Variants in YTHDC2 observed in about 807,000 individuals in gnomAD.
The protein encoded by YTHDC2 is 3'-5' RNA helicase YTHDC2.
YTHDC2 carries 45 observed loss-of-function variants against 174.9 expected under a neutral mutation model. The ratio of observed to expected loss-of-function variants is 0.26; its 90% CI spans 0.20 to 0.33. YTHDC2 has a LOEUF of 0.33. Among genes scored for constraint, YTHDC2 ranks in the 10% least tolerant of loss-of-function variants. YTHDC2 has a pLI of 1.00. For synonymous variants in YTHDC2, 657 were observed against 574.5 expected, an observed-to-expected ratio of 1.14 and a Z score of -2.05; for missense variants, 1,650 against 1,723.7, an observed-to-expected ratio of 0.96 and a Z score of 0.76.
intron 26 of YTHDC2, among the ~76,000 whole-genome samples, chr5:113,586,003 C>G (rs1252938276): frequency 1.3e-5 from 2 of 151,806 alleles, no homozygotes; most frequent in Non-Finnish European, 2.9e-5. Context: ...AATATGTTTT[C>G]TATTATTTGG....
chr5:113,585,361 C>G (rs1778624842), intron 26 of YTHDC2, among the ~76,000 whole-genome samples: 1 of 152,026 alleles, frequency 6.6e-6, no homozygotes, highest in African/African-American at 2.4e-5. Flanking sequence ...GGTTATTTAG[C>G]TGCATATTGT....
rs1473081041 is a variant in YTHDC2, at chr5:113,567,852, A to G, written c.3244+3A>G. On this transcript the variant is annotated splice_donor_region_variant and intron_variant, in intron 23 of 29. Coordinates refer to ENST00000161863, the MANE Select transcript of YTHDC2 (RefSeq NM_022828.5). ...TCAGGAACCTTCATCCTTTAGAGGT[A>G]AATGTATTAAGGAAATAAAAATCTA... 3 of 1,502,584 alleles carry G rather than the reference A, an allele frequency of 2.0e-6. No individual in the cohort carries two copies. The highest frequency in any genetic ancestry group is 2.8e-5 in the South Asian group (2 of 70,878). 93.1% of individuals were successfully genotyped at this position (1,502,584 alleles called of 1,614,324 possible).
chr5:113,549,859 A>G (rs1349107899), intron 12 of YTHDC2, among the ~76,000 whole-genome samples: 1 of 152,010 alleles, frequency 6.6e-6, no homozygotes, highest in Non-Finnish European at 1.5e-5. Flanking sequence ...TGCTTGTTCA[A>G]GAACAGCAAC....
chr5:113,514,143 C>A, intron 1 of YTHDC2, 61 bp downstream of exon 1: 4 of 1,550,362 alleles, frequency 2.6e-6, no homozygotes, highest in East Asian at 2.4e-5. Flanking sequence ...CCAGCGCCCC[C>A]CAAACGGCGG....
chr5:113,572,668 T>C (rs1442018130), intron 23 of YTHDC2, among the ~76,000 whole-genome samples: 1 of 152,254 alleles, frequency 6.6e-6, no homozygotes, highest in Non-Finnish European at 1.5e-5. Context: ...CTTGCATATA[T>C]ATTTAGGATC....
intron 8 of YTHDC2, 124 bp downstream of exon 8, chr5:113,539,305 A>G: frequency 2.5e-6 from 1 of 402,182 alleles, no homozygotes; most frequent in East Asian, 4.5e-5. Flanking sequence ...ATATAATTGT[A>G]TAACCTTATA....
At chr5:113,588,904 C>A (rs189686465) in intron 26 of YTHDC2, among the ~76,000 whole-genome samples, 174 of 152,174 alleles carry the variant, frequency 1.1e-3, no homozygotes, top group African/African-American at 4.0e-3. Flanking sequence ...GGATTGCACG[C>A]GTGAGCCACC....
intron 5 of YTHDC2, 36 bp downstream of exon 5, chr5:113,533,081 T>C (rs192742392): frequency 3.6e-5 from 58 of 1,604,022 alleles, no homozygotes; most frequent in Middle Eastern, 1.7e-4. Flanking sequence ...TCTTTTATCA[T>C]GCTTAAAAAA....
At chr5:113,518,556 CGT>C (rs67062871) in intron 2 of YTHDC2, among the ~76,000 whole-genome samples, 34,044 of 143,980 alleles carry the variant, frequency 0.24, 4,573 homozygotes, top group East Asian at 0.57. Flanking sequence ...AGTTAGTTTT[CGT>C]GTGTGTGTGT....
chr5:113,590,059 T>G (rs1778925329), intron 26 of YTHDC2, among the ~76,000 whole-genome samples: 1 of 150,500 alleles, frequency 6.6e-6, no homozygotes, highest in Non-Finnish European at 1.5e-5. Flanking sequence ...TGTGTCTGAT[T>G]GCTCATTGCA....
intron 17 of YTHDC2, among the ~76,000 whole-genome samples, chr5:113,559,288 A>G (rs982272126): frequency 1.2e-4 from 19 of 152,216 alleles, no homozygotes; most frequent in Admixed American, 1.0e-3. Context: ...AAATAAACTC[A>G]TATTAACTTG....
At chr5:113,561,957 G>T (rs796824656) in intron 18 of YTHDC2, among the ~76,000 whole-genome samples, 36 of 134,930 alleles carry the variant, frequency 2.7e-4, no homozygotes, top group East Asian at 1.1e-3. Flanking sequence ...ATTAATTGTG[G>T]GTGTGTGTGT....
At chr5:113,568,274 A>C (rs1777483481) in intron 23 of YTHDC2, among the ~76,000 whole-genome samples, 1 of 152,136 alleles carries the variant, frequency 6.6e-6, no homozygotes, top group Admixed American at 6.5e-5. Context: ...TGTTATTTTC[A>C]TTACAGAGAT....
In YTHDC2 at chr5:113,577,622, G is replaced by C. The variant is rs1016253749; in HGVS notation, c.3245-1964G>C. On this transcript the variant is annotated intron_variant, in intron 23 of 29. Coordinates refer to ENST00000161863, the MANE Select transcript of YTHDC2 (RefSeq NM_022828.5). ...TGTGCTCTTACAATCTGCTCACCTC[G>C]GTCTCCCAAAGTGTTGGGATTACAG... Among the ~76,000 whole-genome samples the C allele has an allele frequency of 1.6e-4, 25 of 152,160 alleles. 1 individual carries two copies. The highest frequency in any genetic ancestry group is 1.1e-3 in the Admixed American group (17 of 15,278).
chr5:113,568,874 C>G (rs1262384564), intron 23 of YTHDC2, among the ~76,000 whole-genome samples: 1 of 151,994 alleles, frequency 6.6e-6, no homozygotes, highest in Non-Finnish European at 1.5e-5. Context: ...ATTTATATTC[C>G]TTTGGGTATT....
chr5:113,591,958 C>T, intron 27 of YTHDC2, 38 bp from the exon 28 acceptor site: 1 of 1,452,794 alleles, frequency 6.9e-7, no homozygotes, highest in Non-Finnish European at 9.2e-7. Flanking sequence ...TGCTAATCTC[C>T]TCCTCACCTC....
Position 113,575,143 on chromosome 5 carries a change from T to A in YTHDC2, c.3245-4443T>A, listed in dbSNP as rs1777963348. On this transcript the variant is annotated intron_variant, in intron 23 of 29. Coordinates refer to ENST00000161863, the MANE Select transcript of YTHDC2 (RefSeq NM_022828.5). ...TTCATTGTGCCTTTTCATTCTTCTT[T>A]GTGAGTGCCGCAGACTGCAGCTGTT... 2.0e-5 allele frequency among the ~76,000 whole-genome samples: 3 copies of A among 152,350 alleles called. No individual in the cohort carries two copies. In the South Asian group the frequency reaches 6.2e-4, roughly 32 times the overall value.
chr5:113,593,452 A>T lies in YTHDC2; in HGVS notation c.*8-30A>T, dbSNP rs561360384. 1.8e-5 allele frequency: 24 copies of T among 1,337,488 alleles called. No individual in the cohort carries two copies. In the South Asian group the frequency reaches 2.5e-4, roughly 14 times the overall value. The allele number at this position is 1,337,488 out of a possible 1,614,324, so 82.9% of individuals were successfully genotyped here. A position where few individuals can be genotyped will look rare whatever the true frequency, so the allele number is the denominator to read the frequency against. On this transcript the variant is annotated intron_variant, in intron 29 of 29. Transcript: ENST00000161863. ...GTGATCATTAGGAACCTTTCAGATT[A>T]TTTATCTTTTTTTTTCCCCTTTCTT...
intron 17 of YTHDC2, among the ~76,000 whole-genome samples, chr5:113,558,957 T>C (rs1776784441): frequency 6.6e-6 from 1 of 150,808 alleles, no homozygotes; most frequent in South Asian, 2.1e-4. Context: ...AGTAGAGCTG[T>C]CTAAGAAGTT....
Sources: allele counts gnomAD v4.1 joint callset (sites outside exome capture counted in the v4.1 genomes callset), GRCh38; gene constraint gnomAD v4.1.1; transcripts MANE v1.5; gene names NCBI Gene and HGNC (gene_info 2026-07-23, HGNC 2026-07-21).